The following PRR11 variants were observed in gnomAD, a reference collection of about 807,000 sequenced individuals.
PRR11 encodes proline rich 11.
A neutral mutation model predicts 45.6 loss-of-function variants in PRR11; 30 were observed. That is an observed-to-expected ratio of 0.66 (90% CI 0.49 to 0.89). PRR11 has a LOEUF of 0.89. PRR11 is among the 40% of genes least tolerant of loss of function. The pLI, the probability that PRR11 is intolerant of heterozygous loss-of-function variation, is 0.00. For missense variants in PRR11, 373 were observed against 424.8 expected, an observed-to-expected ratio of 0.88 and a Z score of 1.07; for synonymous variants, 128 against 153.5, an observed-to-expected ratio of 0.83 and a Z score of 1.23.
At chr17:59,179,948 G>A (rs1296450086) in intron 2 of PRR11, 5 of 1,240,384 alleles carry the variant, frequency 4.0e-6, no homozygotes, top group South Asian at 2.4e-5. Context: ...GACCCAAAAC[G>A]CCAAACCACT....
At position 59,205,049 on chromosome 17, in the gene PRR11, G is replaced by A. The variant is rs1433562837; in HGVS notation, c.*3418G>A. 6.6e-6 allele frequency among the ~76,000 whole-genome samples: 1 copy of A among 151,620 alleles called. No individual in the cohort carries two copies. The highest frequency in any genetic ancestry group is 1.5e-5 in the Non-Finnish European group (1 of 67,940). ...CCATCTCAAAAAGAAAAGAAAAAAT[G>A]CTTTGCTACATAATGAGGCCAGGCA... On this transcript the variant is annotated 3_prime_UTR_variant, in exon 10 of 10. Coordinates refer to ENST00000262293, the MANE Select transcript of PRR11 (RefSeq NM_018304.4).
In PRR11 at chr17:59,186,381, ATTTTTTTTTTTTTTTTTTTTTTT is replaced by A. The variant is rs59082405; in HGVS notation, c.402+830_402+852del. On this transcript the variant is annotated intron_variant, in intron 4 of 9. Transcript: ENST00000262293. ...AAAAAAATTTTGCCAGCTGTTTGTA[ATTTTTTTTTTTTTTTTTTTTTTT>A]TTTTTTTTTTAGACAGAATCTCACT... Among the ~76,000 whole-genome samples, 6 of 84,610 alleles carry A rather than the reference ATTTTTTTTTTTTTTTTTTTTTTT, an allele frequency of 7.1e-5. No homozygotes were observed. The Admixed American group carries it at 9.4e-4, about 13-fold the overall frequency. The allele number at this position is 84,610 out of a possible 152,430, so 55.5% of individuals were successfully genotyped here. A position where few individuals can be genotyped will look rare whatever the true frequency, so the allele number is the denominator to read the frequency against.
chr17:59,198,493 G>C (rs1053311325), intron 9 of PRR11, among the ~76,000 whole-genome samples: 1 of 152,164 alleles, frequency 6.6e-6, no homozygotes, highest in Non-Finnish European at 1.5e-5. Context: ...GACCAACATG[G>C]TGAAACCCCG....
At chr17:59,200,801 A>T (rs966591629) in intron 9 of PRR11, among the ~76,000 whole-genome samples, 24 of 149,934 alleles carry the variant, frequency 1.6e-4, no homozygotes, top group African/African-American at 5.9e-4. Flanking sequence ...CTGTTTTTTT[A>T]AAATTTATAG....
At chr17:59,199,467 T>G (rs1302244225) in intron 9 of PRR11, among the ~76,000 whole-genome samples, 1 of 152,136 alleles carries the variant, frequency 6.6e-6, no homozygotes, top group East Asian at 1.9e-4. Flanking sequence ...TCTTGAGAGC[T>G]TTCTTTGTCA....
chr17:59,168,421 C>G (rs528432425), intron 1 of PRR11, among the ~76,000 whole-genome samples: 191 of 152,274 alleles, frequency 1.3e-3, no homozygotes, highest in Non-Finnish European at 1.9e-3. Flanking sequence ...CTGCCCACCT[C>G]GGCCTCCCAA....
rs1253604334 is a variant in PRR11 at position 59,193,563 on chromosome 17, G to T, written c.474G>T (p.Val158=). 2 of 1,613,978 alleles carry T rather than the reference G, an allele frequency of 1.2e-6. No individual in the cohort carries two copies. Among genetic ancestry groups the T allele is most frequent in the Non-Finnish European group, 1.7e-6 (2 of 1,180,036 alleles). ...ACATGAGTGGTAAACTTACAAATGT[G>T]CCTGCCTGCGTTCTGATCACCCCTG... ...TCHMSGKLTN[V]PACVLITPGD... The change falls in exon 5 of 10, where the codon GTG becomes GTT. Residue 158 remains valine (V), a synonymous_variant. Transcript: ENST00000262293.
chr17:59,173,783 C>T (rs2046726093), intron 2 of PRR11, among the ~76,000 whole-genome samples: 2 of 152,216 alleles, frequency 1.3e-5, no homozygotes. Context: ...TCACTCTATT[C>T]AGCTCCGTCT....
At chr17:59,181,538 G>A (rs2046786555) in intron 2 of PRR11, 8 of 1,192,772 alleles carry the variant, frequency 6.7e-6, no homozygotes, top group Non-Finnish European at 9.6e-6. Flanking sequence ...TCCTCATGGT[G>A]CTCAGGGAGC....
chr17:59,199,504 C>G (rs561300015), intron 9 of PRR11, among the ~76,000 whole-genome samples: 5 of 152,286 alleles, frequency 3.3e-5, no homozygotes, highest in African/African-American at 1.2e-4. Context: ...CATACCCAAC[C>G]CAGTAGATCA....
Position 59,193,552 on chromosome 17 carries a change from C to T in PRR11, c.463C>T (p.Leu155Phe). The T allele has an allele frequency of 6.2e-7, 1 of 1,614,186 alleles. No homozygotes were observed. Residue 155 changes from leucine (L) to phenylalanine (F), a missense_variant, in exon 5 of 10, where the codon CTT becomes TTT. Physicochemically the swap from Leu to Phe is conservative, Grantham distance 22. Transcript: ENST00000262293. ...TCAAACATGTCACATGAGTGGTAAACTTACAAATGTGCCTGCCTGCGTTCT... is the reference window on the plus strand; with the variant it reads ...TCAAACATGTCACATGAGTGGTAAATTTACAAATGTGCCTGCCTGCGTTCT... ...CGQTCHMSGK[L>F]TNVPACVLIT...
intron 4 of PRR11, among the ~76,000 whole-genome samples, chr17:59,187,325 C>T (rs2046818978): frequency 6.6e-6 from 1 of 152,012 alleles, no homozygotes. Context: ...TGTAATCCCA[C>T]CACTTTGGAA....
At chr17:59,179,560 AT>A in intron 2 of PRR11, 3 of 1,433,570 alleles carry the variant, frequency 2.1e-6, no homozygotes, top group Non-Finnish European at 1.9e-6. Context: ...CTGGGGGCAT[AT>A]TTTTCCCATT....
intron 2 of PRR11, chr17:59,177,235 A>G (rs1241527547): frequency 1.5e-5 from 8 of 547,022 alleles, no homozygotes; most frequent in South Asian, 6.9e-5. Flanking sequence ...AAAATATGCT[A>G]TGACCATAGC....
chr17:59,206,506 T>G lies in PRR11; in HGVS notation c.*4875T>G, dbSNP rs2046918890. ...GTTAAAATGTGTTCTACCTTGCATCTTTTACTGATTTTTATGACAGATTTT... is the reference window on the plus strand; with the variant it reads ...GTTAAAATGTGTTCTACCTTGCATCGTTTACTGATTTTTATGACAGATTTT... On this transcript the variant is annotated 3_prime_UTR_variant, in exon 10 of 10. Coordinates refer to ENST00000262293, the MANE Select transcript of PRR11 (RefSeq NM_018304.4). Among the ~76,000 whole-genome samples, 1 of 152,200 alleles carries G rather than the reference T, an allele frequency of 6.6e-6. No homozygotes were observed.
chr17:59,172,642 G>T (rs2046716132), intron 2 of PRR11, among the ~76,000 whole-genome samples: 1 of 152,242 alleles, frequency 6.6e-6, no homozygotes, highest in Non-Finnish European at 1.5e-5. Context: ...GGCCAGCCCG[G>T]GCAGTGAGGG....
At chr17:59,158,659 T>G (rs1315542297) in intron 1 of PRR11, among the ~76,000 whole-genome samples, 1 of 152,216 alleles carries the variant, frequency 6.6e-6, no homozygotes, top group African/African-American at 2.4e-5. Flanking sequence ...TATTGTAAAT[T>G]TTTTATTTCC....
chr17:59,170,599 A>T (rs1409186338), intron 2 of PRR11, among the ~76,000 whole-genome samples: 3 of 152,156 alleles, frequency 2.0e-5, no homozygotes, highest in South Asian at 2.1e-4. Context: ...AAAAAATTTT[A>T]AAAAATAGAT....
At chr17:59,175,312 C>T (rs561868473) in intron 2 of PRR11, among the ~76,000 whole-genome samples, 12 of 152,310 alleles carry the variant, frequency 7.9e-5, no homozygotes, top group African/African-American at 1.9e-4. Context: ...GTCTCCCACT[C>T]CTTCAGGATG....
Sources: gnomAD v4.1 joint callset for allele counts (sites outside exome capture counted in the v4.1 genomes callset) on GRCh38, gnomAD v4.1.1 for gene constraint, MANE v1.5 for transcripts, NCBI Gene and HGNC (gene_info 2026-07-23, HGNC 2026-07-21) for gene names.